The following HOOK1 variants were observed in gnomAD, a reference collection of about 807,000 sequenced individuals.
The protein encoded by HOOK1 is hook microtubule tethering protein 1.
Under a neutral mutation model 112.8 loss-of-function variants are expected in HOOK1, and 60 were observed. The observed-to-expected ratio is 0.53, with a 90% CI of 0.43 to 0.66. The LOEUF (loss-of-function observed/expected upper bound fraction) is 0.66. Among genes scored for constraint, HOOK1 ranks in the 30% least tolerant of loss-of-function variants. The pLI is 0.00. For synonymous variants in HOOK1, 294 were observed against 283.8 expected, an observed-to-expected ratio of 1.04 and a Z score of -0.36; for missense variants, 770 against 856.0, an observed-to-expected ratio of 0.90 and a Z score of 1.25.
intron 11 of HOOK1, 71 bp from the exon 12 acceptor site, chr1:59,849,002 C>A: frequency 1.2e-6 from 1 of 802,716 alleles, no homozygotes; most frequent in Non-Finnish European, 1.9e-6. Context: ...TTACTCAATT[C>A]TGAAAGACTA....
chr1:59,821,555 A>G (rs2098385609), intron 1 of HOOK1, among the ~76,000 whole-genome samples: 1 of 152,206 alleles, frequency 6.6e-6, no homozygotes, highest in African/African-American at 2.4e-5. Flanking sequence ...AAAACACAAG[A>G]CTAGAGTTAT....
intron 3 of HOOK1, among the ~76,000 whole-genome samples, chr1:59,830,593 C>T (rs2098393187): frequency 6.6e-6 from 1 of 151,972 alleles, no homozygotes; most frequent in African/African-American, 2.4e-5. Context: ...GAAAGTGTTT[C>T]ATGTAGACAC....
At chr1:59,864,100 G>C (rs1282596683) in intron 16 of HOOK1, among the ~76,000 whole-genome samples, 1 of 151,856 alleles carries the variant, frequency 6.6e-6, no homozygotes, top group Non-Finnish European at 1.5e-5. Context: ...TTTTTTAAAA[G>C]AGGAAATTGT....
At chr1:59,865,822 G>T in intron 18 of HOOK1, 50 bp from the exon 19 acceptor site, 1 of 742,386 alleles carries the variant, frequency 1.3e-6, no homozygotes, top group East Asian at 3.0e-5. Flanking sequence ...TATTTTAATA[G>T]GTAGTAAATA....
chr1:59,849,632 C>T (rs180966806), intron 12 of HOOK1, among the ~76,000 whole-genome samples: 115 of 151,704 alleles, frequency 7.6e-4, no homozygotes, highest in African/African-American at 2.5e-3. Flanking sequence ...TGCCCATCAC[C>T]GTTTACCCTG....
intron 7 of HOOK1, among the ~76,000 whole-genome samples, chr1:59,837,186 G>A: frequency 6.6e-6 from 1 of 152,134 alleles, no homozygotes; most frequent in East Asian, 1.9e-4. Context: ...ATGCTGTATG[G>A]TAACACAGTG....
chr1:59,834,113 C>T (rs1210261155), intron 5 of HOOK1, among the ~76,000 whole-genome samples: 3 of 152,064 alleles, frequency 2.0e-5, no homozygotes, highest in Non-Finnish European at 4.4e-5. Context: ...ATGAACTGAA[C>T]AGGCCCAGAC....
chr1:59,859,499 C>T lies in HOOK1; in HGVS notation c.1391+454C>T, dbSNP rs886209224. 4.1e-4 allele frequency among the ~76,000 whole-genome samples: 61 copies of T among 149,938 alleles called. 1 individual carries two copies. Among genetic ancestry groups the T allele is most frequent in the African/African-American group, 1.4e-3 (56 of 40,986 alleles). ...GTAATTTAAAAAATAGCCATATGAG[C>T]TTTTTTTTTAAGAGTTATACTATTG... On this transcript the variant is annotated intron_variant, in intron 14 of 21. Transcript: ENST00000371208.
chr1:59,843,885 T>C (rs1369380177), intron 9 of HOOK1, among the ~76,000 whole-genome samples: 1 of 152,014 alleles, frequency 6.6e-6, no homozygotes, highest in Admixed American at 6.6e-5. Flanking sequence ...TGCTGAAACC[T>C]GGGGAGAACA....
At chr1:59,872,029 T>G (rs1240719817) in intron 21 of HOOK1, among the ~76,000 whole-genome samples, 1 of 152,214 alleles carries the variant, frequency 6.6e-6, no homozygotes, top group Non-Finnish European at 1.5e-5. Flanking sequence ...CATGACCTCT[T>G]GATACATAAA....
intron 9 of HOOK1, among the ~76,000 whole-genome samples, chr1:59,846,612 C>T (rs1460976929): frequency 1.5e-5 from 2 of 133,216 alleles, no homozygotes; most frequent in African/African-American, 5.5e-5. Context: ...CTCCCTCCCT[C>T]TCTCTCTCTC....
rs769540549 is a variant in HOOK1 at position 59,840,380 on chromosome 1, T to A, written c.610T>A (p.Leu204Met). Reference sequence around the variant, plus strand: ...AGAGCTGAGGCAAAGATGTGAAGAATTGGATATGCAGGTACGGGAAAAAAC... The same window carrying A: ...AGAGCTGAGGCAAAGATGTGAAGAAATGGATATGCAGGTACGGGAAAAAAC... ...KEELRQRCEE[L>M]DMQVTTLQDE... Residue 204 changes from leucine (L) to methionine (M), a missense_variant, in exon 8 of 22, where the codon TTG becomes ATG. Around this residue, in one of 3 missense-constraint regions of HOOK1, gnomAD observed 655 missense variants for 725.9 expected, o/e 0.90. Coordinates refer to ENST00000371208, the MANE Select transcript of HOOK1 (RefSeq NM_015888.6). 6 of 1,575,626 alleles carry A rather than the reference T, an allele frequency of 3.8e-6. No individual in the cohort carries two copies. In the South Asian group the frequency reaches 7.2e-5, roughly 19 times the overall value.
At chr1:59,826,808 G>A (rs553848058) in intron 2 of HOOK1, among the ~76,000 whole-genome samples, 16 of 152,280 alleles carry the variant, frequency 1.1e-4, no homozygotes, top group Admixed American at 6.5e-5. Flanking sequence ...TGTTGCCCAG[G>A]CTGGAGTGCA....
chr1:59,868,176 TTTTGTAAG>T, intron 19 of HOOK1, 66 bp from the exon 20 acceptor site: 1 of 801,072 alleles, frequency 1.2e-6, no homozygotes, highest in Non-Finnish European at 2.0e-6. Context: ...CTTACACAGT[TTTTGTAAG>T]ATATGTTCTA....
At chr1:59,829,332 T>C (rs2098392162) in intron 3 of HOOK1, among the ~76,000 whole-genome samples, 1 of 152,136 alleles carries the variant, frequency 6.6e-6, no homozygotes, top group South Asian at 2.1e-4. Flanking sequence ...ATTTTTAACA[T>C]TTTTGACTAT....
chr1:59,865,542 CATT>C (rs1382436795), intron 18 of HOOK1, among the ~76,000 whole-genome samples: 1 of 151,896 alleles, frequency 6.6e-6, no homozygotes, highest in Non-Finnish European at 1.5e-5. Context: ...AACTTTAAAA[CATT>C]GTGTAGAAAT....
chr1:59,830,471 T>C (rs1372982732), intron 3 of HOOK1, among the ~76,000 whole-genome samples: 1 of 152,174 alleles, frequency 6.6e-6, no homozygotes, highest in Non-Finnish European at 1.5e-5. Flanking sequence ...TATTCTTTTA[T>C]TTGAAATCAA....
At position 59,826,356 on chromosome 1, in the gene HOOK1, G is replaced by A. The variant is rs1407933965; in HGVS notation, c.150-2424G>A. Among the ~76,000 whole-genome samples, 59 of 151,544 alleles carry A rather than the reference G, an allele frequency of 3.9e-4. 2 individuals carry two copies. The highest frequency in any genetic ancestry group is 1.5e-5 in the Non-Finnish European group (1 of 67,884). ...CAGCGCAAAAGGAAAAAAAAAAAAA[G>A]AGATGCCCTGAGATTTCTGAGGTTG... is the stretch of plus-strand genomic sequence containing the variant. On this transcript the variant is annotated intron_variant, in intron 2 of 21. Coordinates refer to ENST00000371208, the MANE Select transcript of HOOK1 (RefSeq NM_015888.6).
intron 1 of HOOK1, among the ~76,000 whole-genome samples, chr1:59,816,407 T>C (rs2098381558): frequency 6.6e-6 from 1 of 152,234 alleles, no homozygotes; most frequent in African/African-American, 2.4e-5. Flanking sequence ...TATTTAAGAC[T>C]GTCGTAGAAA....
Sources: allele counts gnomAD v4.1 joint callset (sites outside exome capture counted in the v4.1 genomes callset), GRCh38; gene constraint gnomAD v4.1.1; regional missense constraint gnomAD v4.1.1; transcripts MANE v1.5; gene names NCBI Gene and HGNC (gene_info 2026-07-23, HGNC 2026-07-21).